SMC1B: variants seen among roughly 807,000 people sequenced by gnomAD.
SMC1B encodes structural maintenance of chromosomes protein 1B.
Under a neutral mutation model 157.9 loss-of-function variants are expected in SMC1B, and 60 were observed. The ratio of observed to expected loss-of-function variants is 0.38; its 90% CI spans 0.31 to 0.47. SMC1B has a LOEUF of 0.47. Among genes scored for constraint, SMC1B ranks in the 20% least tolerant of loss-of-function variants. The pLI, the probability that SMC1B is intolerant of heterozygous loss-of-function variation, is 0.99. For missense variants in SMC1B, 1,165 were observed against 1,426.2 expected (o/e 0.82, Z 2.95); for synonymous variants, 445 against 483.0 (o/e 0.92, Z 1.03).
chr22:45,344,651 C>A lies in SMC1B; in HGVS notation c.3613G>T (p.Asp1205Tyr). 1.9e-6 allele frequency: 3 copies of A among 1,612,290 alleles called. No individual in the cohort carries two copies. In the South Asian group the frequency reaches 3.3e-5, roughly 18 times the overall value. ...GTCAAAACTCGGCTGAACATGCAGT[C>A]ATCGTACTAAAATGGAGAGAAGACA... Reference protein sequence around the residue: ...ALIGIYPEYDDCMFSRVLTLD... With the variant: ...ALIGIYPEYDYCMFSRVLTLD... The change falls in exon 25 of 25, where the codon GAC becomes TAC. Residue 1205 changes from aspartate (D) to tyrosine (Y), a missense_variant. Physicochemically the swap from Asp to Tyr is radical, Grantham distance 160 (BLOSUM62 -3). Coordinates refer to ENST00000357450, the MANE Select transcript of SMC1B (RefSeq NM_148674.5).
chr22:45,371,690 G>T (rs2086833917), intron 13 of SMC1B, 103 bp from the exon 14 acceptor site: 2 of 1,334,416 alleles, frequency 1.5e-6, no homozygotes, highest in Non-Finnish European at 2.0e-6. Flanking sequence ...AAGAATCTAT[G>T]AGATAAGATG....
At chr22:45,385,897 A>G (rs1345741636) in intron 11 of SMC1B, among the ~76,000 whole-genome samples, 1 of 152,094 alleles carries the variant, frequency 6.6e-6, no homozygotes, top group Non-Finnish European at 1.5e-5. Flanking sequence ...AATAAATTTA[A>G]CACTGGAAAT....
chr22:45,400,246 G>A (rs893839216), intron 5 of SMC1B, among the ~76,000 whole-genome samples: 4 of 152,112 alleles, frequency 2.6e-5, no homozygotes, highest in African/African-American at 9.7e-5. Context: ...TGGAGAGCCT[G>A]GGGCAGGCTC....
At chr22:45,404,255 T>TC (rs1228561695) in intron 4 of SMC1B, among the ~76,000 whole-genome samples, 36 of 514 alleles carry the variant, frequency 0.07, 1 homozygote, top group African/African-American at 0.18. Flanking sequence ...GGGGTTTTAT[T>TC]CACCCTATAT....
At position 45,383,608 on chromosome 22, in the gene SMC1B, T is replaced by C; in HGVS notation, c.1917A>G (p.Val639=). ...ALSGPERQKT[V]ALDGTLFLKS... is the part of the protein sequence containing the mutation. Reference sequence around the variant, plus strand: ...TTAAAAATAATGTTCCATCAAGAGCTACTGTCTGTAAAAGTAAAAATATTT... The same window carrying C: ...TTAAAAATAATGTTCCATCAAGAGCCACTGTCTGTAAAAGTAAAAATATTT... The change falls in exon 12 of 25, where the codon GTA becomes GTG. Residue 639 remains valine (V), a synonymous_variant. Coordinates refer to ENST00000357450, the MANE Select transcript of SMC1B (RefSeq NM_148674.5). 1 of 1,586,710 alleles carries C rather than the reference T, an allele frequency of 6.3e-7. No homozygotes were observed. Among genetic ancestry groups the C allele is most frequent in the Non-Finnish European group, 8.5e-7 (1 of 1,172,736 alleles).
intron 1 of SMC1B, among the ~76,000 whole-genome samples, chr22:45,410,647 G>T (rs995043672): frequency 6.6e-6 from 1 of 152,172 alleles, no homozygotes; most frequent in South Asian, 2.1e-4. Flanking sequence ...AGGTTGCAGT[G>T]AGCTGATATT....
At chr22:45,367,710 C>T (rs769060615) in intron 15 of SMC1B, among the ~76,000 whole-genome samples, 6 of 152,154 alleles carry the variant, frequency 3.9e-5, no homozygotes, top group Non-Finnish European at 7.3e-5. Flanking sequence ...GGTTGTCCAC[C>T]TTGATCTCAC....
Position 45,402,404 on chromosome 22 carries a change from G to A in SMC1B, c.783C>T (p.Asn261=), listed in dbSNP as rs778963540. 1 of 1,613,786 alleles carries A rather than the reference G, an allele frequency of 6.2e-7. No homozygotes were observed. Among genetic ancestry groups the A allele is most frequent in the Non-Finnish European group, 8.5e-7 (1 of 1,179,902 alleles). ...GTTCCTTTTTCCTGGCTTTAACTAT[G>A]TTTTCATGATGAGACAAAGACTCTC... is the stretch of plus-strand genomic sequence containing the variant. ...VKRESLSHHE[N]IVKARKKEHG... is the part of the protein sequence containing the mutation. The change falls in exon 5 of 25, where the codon AAC becomes AAT. Residue 261 remains asparagine, a synonymous_variant. Coordinates refer to ENST00000357450, the MANE Select transcript of SMC1B (RefSeq NM_148674.5).
chr22:45,393,943 T>G lies in SMC1B; in HGVS notation c.1338-102A>C, dbSNP rs2087091912. The G allele has an allele frequency of 4.1e-6, 3 of 735,356 alleles. No individual in the cohort carries two copies. The East Asian group carries it at 8.1e-5, about 20-fold the overall frequency. 45.6% of individuals were successfully genotyped at this position (735,356 alleles called of 1,614,324 possible). On this transcript the variant is annotated intron_variant, in intron 8 of 24. Coordinates refer to ENST00000357450, the MANE Select transcript of SMC1B (RefSeq NM_148674.5). The stretch of plus-strand genomic sequence containing the variant: ...CTGGCATTGCAGGGGAATAGAGCAG[T>G]GCTCTATCAATTTTTAAAGGGTAAA...
At chr22:45,376,777 T>C (rs1602069463) in intron 12 of SMC1B, among the ~76,000 whole-genome samples, 1 of 152,114 alleles carries the variant, frequency 6.6e-6, no homozygotes, top group African/African-American at 2.4e-5. Flanking sequence ...ATGGATCTAA[T>C]TTTCAGCTCC....
intron 9 of SMC1B, among the ~76,000 whole-genome samples, chr22:45,390,647 G>C (rs2087047413): frequency 1.2e-4 from 18 of 150,472 alleles, no homozygotes; most frequent in Admixed American, 1.2e-3. Context: ...AGAGGTTGCA[G>C]TGAGCCGAGA....
At chr22:45,362,069 A>G in intron 16 of SMC1B, 85 bp from the exon 17 acceptor site, 1 of 1,348,838 alleles carries the variant, frequency 7.4e-7, no homozygotes, top group East Asian at 2.4e-5. Flanking sequence ...ACACCAAACC[A>G]GTTATCCCGA....
rs1389422429 is a variant in SMC1B at position 45,353,910 on chromosome 22, AAAAAAAAAAAC to A, written c.3273+57_3273+67del. 315 of 696,812 alleles carry A rather than the reference AAAAAAAAAAAC, an allele frequency of 4.5e-4. 3 individuals are homozygous for A. The highest frequency in any genetic ancestry group is 1.6e-3 in the Admixed American group (34 of 21,586). 43.2% of individuals were successfully genotyped at this position (696,812 alleles called of 1,614,324 possible). On this transcript the variant is annotated intron_variant, in intron 21 of 24. Transcript: ENST00000357450. ...TTTCCCACCAAAAAAAAAAAAAAAA[AAAAAAAAAAAC>A]AACCACCACCGGTAACACAGAATTC... is the stretch of plus-strand genomic sequence containing the variant.
intron 12 of SMC1B, among the ~76,000 whole-genome samples, chr22:45,377,526 T>G (rs2086894557): frequency 6.6e-6 from 1 of 151,690 alleles, no homozygotes; most frequent in Admixed American, 6.6e-5. Context: ...TAATCCCAGC[T>G]ACTCGGCAGG....
intron 8 of SMC1B, among the ~76,000 whole-genome samples, chr22:45,394,105 G>T (rs905427073): frequency 7.2e-5 from 11 of 151,910 alleles, no homozygotes; most frequent in Non-Finnish European, 1.2e-4. Flanking sequence ...TGGCTGGCTT[G>T]AGTCTAGGAA....
At chr22:45,395,065 G>C (rs2087107596) in intron 7 of SMC1B, among the ~76,000 whole-genome samples, 2 of 151,960 alleles carry the variant, frequency 1.3e-5, no homozygotes, top group Admixed American at 6.6e-5. Flanking sequence ...AAATATATTA[G>C]GTTGGTACAA....
chr22:45,344,462 G>A lies in SMC1B; in HGVS notation c.*94C>T. ...TTTCTCTTAAAGGGTGCACCAGGCTGGTCCTGCTTGCTCCAGAAGTCTCCT... is the reference window on the plus strand; with the variant it reads ...TTTCTCTTAAAGGGTGCACCAGGCTAGTCCTGCTTGCTCCAGAAGTCTCCT... On this transcript the variant is annotated 3_prime_UTR_variant, in exon 25 of 25. Transcript: ENST00000357450. The A allele has an allele frequency of 1.2e-6, 1 of 846,230 alleles. No homozygotes were observed. The highest frequency in any genetic ancestry group is 2.0e-6 in the Non-Finnish European group (1 of 507,926). 52.4% of individuals were successfully genotyped at this position (846,230 alleles called of 1,614,324 possible).
intron 9 of SMC1B, among the ~76,000 whole-genome samples, chr22:45,391,388 T>A (rs1021720855): frequency 2.6e-5 from 4 of 152,248 alleles, no homozygotes; most frequent in African/African-American, 9.6e-5. Flanking sequence ...CAAGTTCTTA[T>A]TAAATTGCCC....
intron 11 of SMC1B, among the ~76,000 whole-genome samples, chr22:45,384,719 CAAA>C (rs541797611): frequency 1.7e-5 from 2 of 119,596 alleles, no homozygotes. Context: ...GACTCCATTT[CAAA>C]AAAAAAAAAA....
Sources: gnomAD v4.1 joint callset for allele counts (sites outside exome capture counted in the v4.1 genomes callset) on GRCh38, gnomAD v4.1.1 for gene constraint, MANE v1.5 for transcripts, NCBI Gene and HGNC (gene_info 2026-07-23, HGNC 2026-07-21) for gene names.